The following CHST8 variants were observed in gnomAD, a reference collection of about 807,000 sequenced individuals.
The protein encoded by CHST8 is GALNAC-4-ST1.
Under a neutral mutation model 15.0 loss-of-function variants are expected in CHST8, and 10 were observed. The ratio of observed to expected loss-of-function variants is 0.67; its 90% CI spans 0.41 to 1.13. The LOEUF is 1.13. Among genes scored for constraint, CHST8 ranks in the 50% most tolerant of loss-of-function variants. CHST8 has a pLI of 0.00. For synonymous variants in CHST8, 259 were observed against 256.6 expected, an observed-to-expected ratio of 1.01 and a Z score of -0.09; for missense variants, 634 against 608.2, an observed-to-expected ratio of 1.04 and a Z score of -0.45.
intron 3 of CHST8, among the ~76,000 whole-genome samples, chr19:33,746,731 C>T (rs1223286978): frequency 1.3e-5 from 2 of 152,128 alleles, no homozygotes; most frequent in Admixed American, 6.6e-5. Flanking sequence ...GTGAGTTCTG[C>T]GAAGCAGGGG....
intron 3 of CHST8, among the ~76,000 whole-genome samples, chr19:33,747,914 C>G (rs978225508): frequency 8.5e-5 from 13 of 152,100 alleles, no homozygotes; most frequent in African/African-American, 3.1e-4. Context: ...TCTCCTGGCT[C>G]CCCTGCACTT....
intron 2 of CHST8, among the ~76,000 whole-genome samples, chr19:33,674,783 G>A (rs1223716137): frequency 6.6e-6 from 1 of 152,164 alleles, no homozygotes. Flanking sequence ...ACTTTCCTCT[G>A]CCAGGAAGCA....
At chr19:33,636,425 A>C (rs1187806821) in intron 1 of CHST8, among the ~76,000 whole-genome samples, 1 of 152,122 alleles carries the variant, frequency 6.6e-6, no homozygotes, top group Admixed American at 6.5e-5. Flanking sequence ...GCAGTATTTC[A>C]CGTCTCACCA....
chr19:33,626,963 T>G (rs1389333175), intron 1 of CHST8, among the ~76,000 whole-genome samples: 1 of 151,470 alleles, frequency 6.6e-6, no homozygotes. Context: ...AATTTTTAAT[T>G]TTTTTTTATA....
chr19:33,730,505 A>G (rs1973975222), intron 3 of CHST8, among the ~76,000 whole-genome samples: 1 of 152,198 alleles, frequency 6.6e-6, no homozygotes, highest in Admixed American at 6.5e-5. Context: ...TGCCTTTTCG[A>G]GAGTCTGGCT....
At chr19:33,700,063 C>T (rs1028645543) in intron 3 of CHST8, among the ~76,000 whole-genome samples, 1 of 152,192 alleles carries the variant, frequency 6.6e-6, no homozygotes, top group Admixed American at 6.5e-5. Flanking sequence ...CAGAGAGAGT[C>T]CGGTCCTCGC....
intron 3 of CHST8, among the ~76,000 whole-genome samples, chr19:33,738,842 G>A (rs1000665671): frequency 4.6e-5 from 7 of 152,106 alleles, no homozygotes; most frequent in Non-Finnish European, 7.3e-5. Context: ...CACCCCTCTC[G>A]GCCTCCCAAA....
intron 3 of CHST8, among the ~76,000 whole-genome samples, chr19:33,763,475 G>A (rs934368194): frequency 2.4e-4 from 37 of 152,322 alleles, no homozygotes; most frequent in African/African-American, 8.4e-4. Context: ...AGGAACAGCC[G>A]GCTCCTGTGC....
At position 33,772,455 on chromosome 19, in the gene CHST8, C is replaced by G; in HGVS notation, c.667C>G (p.Gln223Glu). Residue 223 changes from glutamine (Q) to glutamate (E), a missense_variant, in exon 5 of 5, where the codon CAG becomes GAG. By Grantham distance (29) the Gln-to-Glu change is conservative. Coordinates refer to ENST00000650847, the MANE Select transcript of CHST8 (RefSeq NM_001127895.2). ...AGLASSTADI[Q>E]HNTVHYGSAL... is the part of the protein sequence containing the mutation. ...CCTGGCCTCGTCCACTGCCGACATC[C>G]AGCACAACACCGTCCACTATGGCAG... 6.2e-7 allele frequency: 1 copy of G among 1,612,858 alleles called. No homozygotes were observed.
chr19:33,699,312 G>C (rs1056465491), intron 3 of CHST8, among the ~76,000 whole-genome samples: 1 of 152,220 alleles, frequency 6.6e-6, no homozygotes, highest in Non-Finnish European at 1.5e-5. Flanking sequence ...GTCAAGGAAG[G>C]AGGTTATCCA....
intron 3 of CHST8, among the ~76,000 whole-genome samples, chr19:33,725,103 C>T (rs1038884124): frequency 1.3e-5 from 2 of 152,160 alleles, no homozygotes; most frequent in African/African-American, 2.4e-5. Flanking sequence ...CATGAGTGTG[C>T]GTGCACAGAG....
intron 1 of CHST8, among the ~76,000 whole-genome samples, chr19:33,642,224 G>T (rs1972293208): frequency 6.6e-6 from 1 of 152,194 alleles, no homozygotes; most frequent in Non-Finnish European, 1.5e-5. Flanking sequence ...TGGGCGACTG[G>T]CTGGGCTCTG....
chr19:33,682,441 G>A (rs893673261), intron 2 of CHST8, among the ~76,000 whole-genome samples: 1 of 152,118 alleles, frequency 6.6e-6, no homozygotes, highest in Non-Finnish European at 1.5e-5. Context: ...TCATTTTTAA[G>A]TGTACAGTCC....
rs869057036 is a variant in CHST8, at chr19:33,650,518, C to CTTTTTTTTTT, written c.-163-17229_-163-17220dup. On this transcript the variant is annotated intron_variant, in intron 1 of 4. Transcript: ENST00000650847. ...TTCTTTTTCTTTTTCTTTTTCTTTTCTTTTTTTTTTTTTTTTTTTTTTTTT... is the reference window on the plus strand; with the variant it reads ...TTCTTTTTCTTTTTCTTTTTCTTTTCTTTTTTTTTTTTTTTTTTTTTTTTTTTTTTTTTTT... Among the ~76,000 whole-genome samples the CTTTTTTTTTT allele has an allele frequency of 9.3e-3, 336 of 36,148 alleles. 15 individuals carry two copies. The highest frequency in any genetic ancestry group is 0.012 in the Non-Finnish European group (249 of 20,944). The allele number at this position is 36,148 out of a possible 152,430, so 23.7% of individuals were successfully genotyped here.
chr19:33,728,949 A>G (rs1439843675), intron 3 of CHST8, among the ~76,000 whole-genome samples: 2 of 152,268 alleles, frequency 1.3e-5, no homozygotes, highest in African/African-American at 4.8e-5. Flanking sequence ...CCCTCTGTGG[A>G]CCACATCTGA....
chr19:33,640,924 G>C (rs541826172), intron 1 of CHST8, among the ~76,000 whole-genome samples: 1 of 152,134 alleles, frequency 6.6e-6, no homozygotes, highest in South Asian at 2.1e-4. Context: ...GATGGGAACT[G>C]CCCTGGGCCC....
rs546167338 is a variant in CHST8, at chr19:33,688,855, G to T, written c.-86-321G>T. ...TTATTTGGAGGCCTGGACAGTGCAG[G>T]GGGTGGCTGCTGGTTACTGACTGGG... is the stretch of plus-strand genomic sequence containing the variant. On this transcript the variant is annotated intron_variant, in intron 2 of 4. Coordinates refer to ENST00000650847, the MANE Select transcript of CHST8 (RefSeq NM_001127895.2). Among the ~76,000 whole-genome samples, 3 of 152,268 alleles carry T rather than the reference G, an allele frequency of 2.0e-5. No homozygotes were observed. The East Asian group carries it at 5.8e-4, about 30-fold the overall frequency.
intron 3 of CHST8, among the ~76,000 whole-genome samples, chr19:33,750,126 T>C (rs1297931182): frequency 6.6e-6 from 1 of 152,050 alleles, no homozygotes; most frequent in Non-Finnish European, 1.5e-5. Context: ...AACAAGGTGG[T>C]CTGGAACCCA....
chr19:33,661,658 G>C (rs565209292), intron 1 of CHST8, among the ~76,000 whole-genome samples: 2 of 152,302 alleles, frequency 1.3e-5, no homozygotes, highest in East Asian at 3.9e-4. Context: ...GGGGACCCTT[G>C]CTCCTTTGGC....
Sources: gnomAD v4.1 joint callset for allele counts (sites outside exome capture counted in the v4.1 genomes callset) on GRCh38, gnomAD v4.1.1 for gene constraint, MANE v1.5 for transcripts, NCBI Gene and HGNC (gene_info 2026-07-23, HGNC 2026-07-21) for gene names.